Variants in TMLHE observed in about 807,000 individuals in gnomAD.
The protein encoded by TMLHE is trimethyllysine dioxygenase, mitochondrial.
In TMLHE, 18 loss-of-function variants were observed where a neutral mutation model predicts 25.7. The ratio of observed to expected loss-of-function variants is 0.70; its 90% CI spans 0.48 to 1.04. The LOEUF is 1.04. Ranked by LOEUF, TMLHE falls within the 50% of genes least tolerant of loss-of-function variation. The probability of loss-of-function intolerance (pLI) is 0.00; values close to 1 mark genes in which losing one functional copy is unlikely to be tolerated. For missense variants in TMLHE, 236 were observed against 259.0 expected, an observed-to-expected ratio of 0.91 and a Z score of 0.61; for synonymous variants, 105 against 97.0, an observed-to-expected ratio of 1.08 and a Z score of -0.49.
Position 155,602,596 on chromosome X carries a change from GA to G in TMLHE, c.-2+10195del, listed in dbSNP as rs1410996330. Among the ~76,000 whole-genome samples the G allele has an allele frequency of 8.2e-4, 91 of 110,352 alleles. No homozygotes were observed. The Middle Eastern group carries it at 0.014, about 17-fold the overall frequency. On this transcript the variant is annotated intron_variant, in intron 1 of 7. Coordinates refer to ENST00000334398, the MANE Select transcript of TMLHE (RefSeq NM_018196.4). The stretch of plus-strand genomic sequence containing the variant: ...ACAAGTAAAAGGTATCCAGGCTGGG[GA>G]AAAAAAATAAGTCAAACTGTCCTTG...
chrX:155,524,514 C>A lies in TMLHE; in HGVS notation c.300G>T (p.Val100=). Residue 100 remains valine (V), a synonymous_variant, in exon 3 of 8, where the codon GTG becomes GTT. Coordinates refer to ENST00000334398, the MANE Select transcript of TMLHE (RefSeq NM_018196.4). ...THQRSLDTAS[V]DLCIKPKTIR... ...TGGTCTTTGGCTTGATACATAAATCCACACTGGCAGTATCCAGGCTGCGCT... is the reference window on the plus strand; with the variant it reads ...TGGTCTTTGGCTTGATACATAAATCAACACTGGCAGTATCCAGGCTGCGCT... 1 of 1,207,998 alleles carries A rather than the reference C, an allele frequency of 8.3e-7. No individual in the cohort carries two copies. The highest frequency in any genetic ancestry group is 1.8e-5 in the South Asian group (1 of 55,943).
rs186708491 is a variant in TMLHE, at chrX:155,566,044, T to G, written c.-1-20767A>C. On this transcript the variant is annotated intron_variant, in intron 1 of 7. Coordinates refer to ENST00000334398, the MANE Select transcript of TMLHE (RefSeq NM_018196.4). Reference sequence around the variant, plus strand: ...CCATTATGAATCTGAGACACTATGATGAATAGCTAGAAAAAAAATGTTCCA... The same window carrying G: ...CCATTATGAATCTGAGACACTATGAGGAATAGCTAGAAAAAAAATGTTCCA... 3.8e-3 allele frequency among the ~76,000 whole-genome samples: 232 copies of G among 61,830 alleles called. 27 individuals carry two copies. Among genetic ancestry groups the G allele is most frequent in the African/African-American group, 7.9e-3 (220 of 27,989 alleles). 53.7% of individuals were successfully genotyped at this position (61,830 alleles called of 115,157 possible).
intron 1 of TMLHE, among the ~76,000 whole-genome samples, chrX:155,597,323 G>A (rs1413286994): frequency 3.6e-5 from 4 of 110,539 alleles, no homozygotes; most frequent in South Asian, 3.8e-4. Context: ...TTAGAATGGC[G>A]ATCATTAAAA....
intron 1 of TMLHE, among the ~76,000 whole-genome samples, chrX:155,548,703 C>G (rs911209913): frequency 4.7e-5 from 5 of 107,072 alleles, no homozygotes; most frequent in African/African-American, 1.4e-4. Flanking sequence ...CCACTGCACT[C>G]CAGCCTGGGC....
In TMLHE at chrX:155,536,330, C is replaced by G. The variant is rs782820227; in HGVS notation, c.181+8766G>C. Among the ~76,000 whole-genome samples, 6 of 111,359 alleles carry G rather than the reference C, an allele frequency of 5.4e-5. No individual in the cohort carries two copies. The South Asian group carries it at 2.3e-3, about 42-fold the overall frequency. On this transcript the variant is annotated intron_variant, in intron 2 of 7. Transcript: ENST00000334398. ...ATCAAGCAGTGGTGCAGCTGCCTTACTGGTAACTCCAATACAGGCCACATA... is the reference window on the plus strand; with the variant it reads ...ATCAAGCAGTGGTGCAGCTGCCTTAGTGGTAACTCCAATACAGGCCACATA...
At chrX:155,552,004 G>T (rs1462706644) in intron 1 of TMLHE, among the ~76,000 whole-genome samples, 1 of 109,569 alleles carries the variant, frequency 9.1e-6, no homozygotes, top group Non-Finnish European at 1.9e-5. Context: ...TTGACTGTAT[G>T]ATTTTTCTCC....
rs1452740209 is a variant in TMLHE, at chrX:155,510,459, C to T, written c.758+1214G>A. On this transcript the variant is annotated intron_variant, in intron 5 of 7. Transcript: ENST00000334398. ...GTTCCCCTTCCTGTGTCCATGTGTT[C>T]TCATTGTTCAATTCCCACCTATGAG... Among the ~76,000 whole-genome samples, 23 of 90,470 alleles carry T rather than the reference C, an allele frequency of 2.5e-4. No individual in the cohort carries two copies. The South Asian group carries it at 0.012, about 48-fold the overall frequency. 78.6% of individuals were successfully genotyped at this position (90,470 alleles called of 115,157 possible).
chrX:155,561,237 T>C (rs2067495036), intron 1 of TMLHE, among the ~76,000 whole-genome samples: 1 of 61,351 alleles, frequency 1.6e-5, no homozygotes, highest in African/African-American at 3.6e-5. Flanking sequence ...TGGAGAGACC[T>C]CAGGAATCTT....
intron 1 of TMLHE, among the ~76,000 whole-genome samples, chrX:155,591,072 CTAAA>C (rs1213966688): frequency 6.3e-5 from 7 of 111,335 alleles, no homozygotes; most frequent in Admixed American, 4.8e-4. Context: ...TGTTATTATA[CTAAA>C]TAGACTTTTT....
chrX:155,574,317 T>C (rs1418315111), intron 1 of TMLHE, among the ~76,000 whole-genome samples: 1 of 111,645 alleles, frequency 9.0e-6, no homozygotes, highest in Non-Finnish European at 1.9e-5. Flanking sequence ...AGATATGCAC[T>C]TGTCCCTGGG....
Position 155,514,191 on chromosome X carries a change from C to CT in TMLHE, c.432dup (p.Val145SerfsTer5), listed in dbSNP as rs1316577020. The CT allele has an allele frequency of 8.3e-7, 1 of 1,209,087 alleles. No homozygotes were observed. Among genetic ancestry groups the CT allele is most frequent in the African/African-American group, 1.8e-5 (1 of 57,120 alleles). On this transcript the variant is annotated frameshift_variant, in exon 4 of 8. Coordinates refer to ENST00000334398, the MANE Select transcript of TMLHE (RefSeq NM_018196.4). LOFTEE classifies it high-confidence loss of function. ...TTCCATAGTATTCTAGGCTGGATGA[C>CT]TTTTTGTTTCTGCCCTTCATAGCTG...
At chrX:155,549,848 T>G (rs1429491236) in intron 1 of TMLHE, among the ~76,000 whole-genome samples, 2 of 109,800 alleles carry the variant, frequency 1.8e-5, no homozygotes, top group Non-Finnish European at 3.8e-5. Flanking sequence ...CTACACTAGG[T>G]ATTTCTCCTA....
At chrX:155,534,371 C>T (rs1201435091) in intron 2 of TMLHE, among the ~76,000 whole-genome samples, 2 of 110,857 alleles carry the variant, frequency 1.8e-5, no homozygotes, top group Non-Finnish European at 3.8e-5. Context: ...GTAGCTGGGA[C>T]TATAGGTGCC....
intron 1 of TMLHE, chrX:155,611,737 T>C (rs782193552): frequency 2.7e-5 from 3 of 111,890 alleles, no homozygotes; most frequent in Non-Finnish European, 5.6e-5. Context: ...TTGCAAAATA[T>C]ATGTTCACCA....
At chrX:155,547,289 C>T (rs782101255) in intron 1 of TMLHE, among the ~76,000 whole-genome samples, 15 of 88,436 alleles carry the variant, frequency 1.7e-4, no homozygotes, top group South Asian at 6.4e-4. Context: ...GGACTACAGG[C>T]ACCTGCCACC....
intron 5 of TMLHE, among the ~76,000 whole-genome samples, chrX:155,510,743 A>G (rs2067104844): frequency 9.2e-6 from 1 of 109,013 alleles, no homozygotes; most frequent in Non-Finnish European, 1.9e-5. Flanking sequence ...AGCATGATTT[A>G]TAATCCTTTG....
intron 1 of TMLHE, among the ~76,000 whole-genome samples, chrX:155,568,998 G>A (rs60825892): frequency 0.067 from 4,041 of 60,242 alleles, 494 homozygotes; most frequent in African/African-American, 0.15. Context: ...TGACTTTGAC[G>A]AGTTGAGAGA....
intron 1 of TMLHE, among the ~76,000 whole-genome samples, chrX:155,553,675 A>G (rs2067429447): frequency 9.1e-6 from 1 of 110,486 alleles, no homozygotes; most frequent in African/African-American, 3.3e-5. Flanking sequence ...TTACTGATAT[A>G]TTTAACTCTA....
At chrX:155,583,987 G>C (rs1368837952) in intron 1 of TMLHE, among the ~76,000 whole-genome samples, 3 of 110,997 alleles carry the variant, frequency 2.7e-5, no homozygotes, top group Non-Finnish European at 5.7e-5. Flanking sequence ...AATTCACAAT[G>C]ACTTTCCAGC....
Sources: gnomAD v4.1 joint callset for allele counts (sites outside exome capture counted in the v4.1 genomes callset) on GRCh38, gnomAD v4.1.1 for gene constraint, MANE v1.5 for transcripts, NCBI Gene and HGNC (gene_info 2026-07-23, HGNC 2026-07-21) for gene names.